Variants in RAD51B observed in about 807,000 individuals in gnomAD.
RAD51B encodes RAD51 paralog B.
A neutral mutation model predicts 42.2 loss-of-function variants in RAD51B; 38 were observed. The observed-to-expected ratio is 0.90, with a 90% CI of 0.70 to 1.18. The LOEUF is 1.18. RAD51B is among the 50% of genes most tolerant of loss of function. RAD51B has a pLI of 0.00. For synonymous variants in RAD51B, 154 were observed against 145.2 expected (o/e 1.06, Z -0.43); for missense variants, 373 against 400.7 (o/e 0.93, Z 0.59).
chr14:68,473,892 G>C (rs960468052), intron 10 of RAD51B, among the ~76,000 whole-genome samples: 3 of 152,182 alleles, frequency 2.0e-5, no homozygotes, highest in East Asian at 3.8e-4. Flanking sequence ...TCCACACATA[G>C]TATAATGATT....
At chr14:67,872,461 A>C (rs1420351568) in intron 5 of RAD51B, among the ~76,000 whole-genome samples, 1 of 147,912 alleles carries the variant, frequency 6.8e-6, no homozygotes, top group Non-Finnish European at 1.5e-5. Flanking sequence ...ATGGAAGAAC[A>C]TTCCATGCTC....
At chr14:68,354,155 G>GT (rs776654203) in intron 8 of RAD51B, among the ~76,000 whole-genome samples, 4 of 151,812 alleles carry the variant, frequency 2.6e-5, no homozygotes, top group Non-Finnish European at 5.9e-5. Context: ...TATATAGGTG[G>GT]TGTGTATATT....
intron 7 of RAD51B, among the ~76,000 whole-genome samples, chr14:68,176,408 C>A (rs911603340): frequency 6.6e-6 from 1 of 152,138 alleles, no homozygotes; most frequent in Non-Finnish European, 1.5e-5. Context: ...GCTCTTAAAT[C>A]CTTAGTCATT....
At chr14:68,417,805 G>GA (rs1177718300) in intron 9 of RAD51B, among the ~76,000 whole-genome samples, 3 of 152,094 alleles carry the variant, frequency 2.0e-5, no homozygotes, top group African/African-American at 7.2e-5. Flanking sequence ...GACTCCCTTT[G>GA]AAAAAAGTCA....
intron 10 of RAD51B, chr14:68,540,554 T>G: frequency 1.0e-6 from 1 of 985,360 alleles, no homozygotes; most frequent in Non-Finnish European, 1.2e-6. Context: ...AAACAATAAG[T>G]ATTTGCAAAA....
downstream of RAD51B, among the ~76,000 whole-genome samples, chr14:68,613,619 AG>A (rs1441765896): frequency 4.6e-5 from 7 of 151,668 alleles, no homozygotes; most frequent in Admixed American, 6.6e-5. Context: ...ACACCCGGCT[AG>A]TTTTTTTGTA....
At chr14:68,098,712 T>C (rs970522697) in intron 7 of RAD51B, among the ~76,000 whole-genome samples, 2 of 152,132 alleles carry the variant, frequency 1.3e-5, no homozygotes, top group Non-Finnish European at 2.9e-5. Flanking sequence ...ATGGGAATTA[T>C]GGGAGTACAA....
At chr14:68,333,994 T>G (rs893167132) in intron 8 of RAD51B, among the ~76,000 whole-genome samples, 2 of 152,120 alleles carry the variant, frequency 1.3e-5, no homozygotes, top group African/African-American at 4.8e-5. Flanking sequence ...GTAATCAACT[T>G]TTTTGGATTC....
Position 68,252,157 on chromosome 14 carries a change from G to A in RAD51B, c.757-39727G>A, listed in dbSNP as rs77559958. Among the ~76,000 whole-genome samples the A allele has an allele frequency of 4.0e-3, 615 of 151,904 alleles. 3 individuals carry two copies. The highest frequency in any genetic ancestry group is 0.014 in the African/African-American group (585 of 41,202). On this transcript the variant is annotated intron_variant, in intron 7 of 10. Transcript: ENST00000471583. ...AGTTGAGTATACCTATAACCAGGCAGCTAAATTTTGAAACAAGGTGGTGAA... is the reference window on the plus strand; with the variant it reads ...AGTTGAGTATACCTATAACCAGGCAACTAAATTTTGAAACAAGGTGGTGAA...
At chr14:68,195,496 C>T (rs6573820) in intron 7 of RAD51B, among the ~76,000 whole-genome samples, 7,066 of 152,228 alleles carry the variant, frequency 0.046, 536 homozygotes, top group African/African-American at 0.15. Context: ...AAAAATACAT[C>T]CATGATACTC....
intron 7 of RAD51B, among the ~76,000 whole-genome samples, chr14:68,059,503 T>G (rs2076535406): frequency 6.6e-6 from 1 of 152,210 alleles, no homozygotes; most frequent in Admixed American, 6.5e-5. Context: ...ATTTCCTGGA[T>G]AGCCCTCCAT....
At chr14:68,428,862 C>T (rs964035838) in intron 9 of RAD51B, among the ~76,000 whole-genome samples, 8 of 150,570 alleles carry the variant, frequency 5.3e-5, no homozygotes, top group East Asian at 1.9e-4. Flanking sequence ...CCCATTAACT[C>T]GTCATTTACA....
chr14:68,253,550 A>G (rs191098906), intron 7 of RAD51B, among the ~76,000 whole-genome samples: 2 of 152,326 alleles, frequency 1.3e-5, no homozygotes, highest in East Asian at 3.9e-4. Context: ...TTTATATGCA[A>G]AAGTCTTACA....
intron 8 of RAD51B, among the ~76,000 whole-genome samples, chr14:68,340,778 A>G (rs1019199526): frequency 3.3e-5 from 5 of 152,184 alleles, no homozygotes; most frequent in Admixed American, 6.5e-5. Flanking sequence ...ACCATCTTGC[A>G]TATTTGGGAT....
rs150354450 is a variant in RAD51B at position 68,402,575 on chromosome 14, A to G, written c.854-8849A>G. Among the ~76,000 whole-genome samples, 513 of 152,306 alleles carry G rather than the reference A, an allele frequency of 3.4e-3. 9 individuals carry two copies. The highest frequency in any genetic ancestry group is 2.6e-3 in the Non-Finnish European group (174 of 68,012). ...GGTCAGCACAGGTTTACCCATCATA[A>G]AGTCTTACTAAGTAGGGTAGACTAA... is the stretch of plus-strand genomic sequence containing the variant. On this transcript the variant is annotated intron_variant, in intron 8 of 10. Coordinates refer to ENST00000471583, the MANE Select transcript of RAD51B (RefSeq NM_133510.4).
At chr14:68,159,805 A>T (rs569410431) in intron 7 of RAD51B, among the ~76,000 whole-genome samples, 3 of 152,036 alleles carry the variant, frequency 2.0e-5, no homozygotes, top group African/African-American at 7.3e-5. Context: ...GATGTTTGTC[A>T]TGTGCTTTGT....
downstream of RAD51B, among the ~76,000 whole-genome samples, chr14:68,600,050 A>G (rs1457010817): frequency 6.6e-6 from 1 of 152,142 alleles, no homozygotes; most frequent in African/African-American, 2.4e-5. Context: ...GTGGTCATCT[A>G]TACCCTGTCC....
At chr14:68,520,791 A>G (rs142033207) in intron 10 of RAD51B, among the ~76,000 whole-genome samples, 2 of 152,330 alleles carry the variant, frequency 1.3e-5, no homozygotes, top group East Asian at 3.9e-4. Flanking sequence ...TTTACAGTCT[A>G]TTGGGAAACA....
intron 8 of RAD51B, among the ~76,000 whole-genome samples, chr14:68,406,537 T>A (rs2084279864): frequency 6.6e-6 from 1 of 152,178 alleles, no homozygotes; most frequent in Non-Finnish European, 1.5e-5. Context: ...GGACTGGAGT[T>A]GCTCTGGGTC....
Sources: allele counts gnomAD v4.1 joint callset (sites outside exome capture counted in the v4.1 genomes callset), GRCh38; gene constraint gnomAD v4.1.1; transcripts MANE v1.5; gene names NCBI Gene and HGNC (gene_info 2026-07-23, HGNC 2026-07-21).